SCFD1: variants seen among roughly 807,000 people sequenced by gnomAD.
SCFD1 encodes sec1 family domain-containing protein 1.
In SCFD1, 37 loss-of-function variants were observed where a neutral mutation model predicts 103.2. The ratio of observed to expected loss-of-function variants is 0.36; its 90% confidence interval spans 0.28 to 0.47. The LOEUF (loss-of-function observed/expected upper bound fraction) is 0.47. Among genes scored for constraint, SCFD1 ranks in the 20% least tolerant of loss-of-function variants. The probability of loss-of-function intolerance (pLI) is 1.00; values close to 1 mark genes in which losing one functional copy is unlikely to be tolerated. For synonymous variants in SCFD1, 264 were observed against 245.0 expected (o/e 1.08, Z -0.73); for missense variants, 639 against 761.2 (o/e 0.84, Z 1.89).
At chr14:30,669,121 T>G (rs1888298726) in intron 10 of SCFD1, among the ~76,000 whole-genome samples, 1 of 152,040 alleles carries the variant, frequency 6.6e-6, no homozygotes, top group South Asian at 2.1e-4. Flanking sequence ...GGAAATAAAC[T>G]ATTATAAAAG....
Position 30,735,715 on chromosome 14 carries a change from A to T in SCFD1, c.*106A>T. The T allele has an allele frequency of 2.7e-6, 2 of 736,566 alleles. No individual in the cohort carries two copies. The highest frequency in any genetic ancestry group is 4.5e-6 in the Non-Finnish European group (2 of 441,970). The allele number at this position is 736,566 out of a possible 1,614,324, so 45.6% of individuals were successfully genotyped here. ...TCCTTCTCTGTAACAGTGTCCTAAC[A>T]GTGAAAATCAGAGTTATTTGTTAAT... is the stretch of plus-strand genomic sequence containing the variant. On this transcript the variant is annotated 3_prime_UTR_variant, in exon 25 of 25. Transcript: ENST00000458591.
intron 14 of SCFD1, among the ~76,000 whole-genome samples, chr14:30,692,828 T>A (rs1404309528): frequency 6.6e-6 from 1 of 152,204 alleles, no homozygotes; most frequent in African/African-American, 2.4e-5. Context: ...TAACAGTTCC[T>A]AGTATCATCA....
rs866648076 is a variant in SCFD1, at chr14:30,630,526, C to A, written c.182C>A (p.Ser61Tyr). The change falls in exon 3 of 25, where the codon TCT becomes TAT. Residue 61 changes from serine (S) to tyrosine (Y), a missense_variant. Transcript: ENST00000458591. ...CAAGATATAATCTCTCCTCTGCTAT[C>A]TGTGAAGGAGCTAAGAGACATGGGA... ...FGQDIISPLLSVKELRDMGIT... is the reference protein window; with the variant it reads ...FGQDIISPLLYVKELRDMGIT... 6.2e-7 allele frequency: 1 copy of A among 1,604,346 alleles called. No individual in the cohort carries two copies. Among genetic ancestry groups the A allele is most frequent in the Non-Finnish European group, 8.5e-7 (1 of 1,171,858 alleles).
Position 30,639,770 on chromosome 14 carries a change from T to C in SCFD1, c.436-7T>C. The C allele has an allele frequency of 6.4e-7, 1 of 1,567,228 alleles. No individual in the cohort carries two copies. Among genetic ancestry groups the C allele is most frequent in the South Asian group, 1.2e-5 (1 of 85,874 alleles). ...ATTGATTTGTAAACCTTTTCTTTTGTTTCTAGGTTTTTGACCAATATCTCA... is the reference window on the plus strand; with the variant it reads ...ATTGATTTGTAAACCTTTTCTTTTGCTTCTAGGTTTTTGACCAATATCTCA... On this transcript the variant is annotated splice_region_variant and splice_polypyrimidine_tract_variant and intron_variant, in intron 5 of 24. Transcript: ENST00000458591.
intron 3 of SCFD1, among the ~76,000 whole-genome samples, chr14:30,631,541 G>T (rs1884130852): frequency 6.6e-6 from 1 of 152,052 alleles, no homozygotes; most frequent in South Asian, 2.1e-4. Context: ...ACCATTGTAA[G>T]TCAGGGAGTG....
chr14:30,649,722 T>C, intron 8 of SCFD1, 139 bp downstream of exon 8: 1 of 644,994 alleles, frequency 1.6e-6, no homozygotes, highest in Non-Finnish European at 2.7e-6. Flanking sequence ...TTTATTTTAT[T>C]ACATTGAGAT....
intron 19 of SCFD1, among the ~76,000 whole-genome samples, chr14:30,709,661 C>T (rs1891725751): frequency 6.6e-6 from 1 of 152,170 alleles, no homozygotes; most frequent in South Asian, 2.1e-4. Flanking sequence ...TATCTTCACC[C>T]TCTTAGACTA....
rs773433599 is a variant in SCFD1, at chr14:30,638,017, A to G, written c.313-108A>G. 415 of 1,312,622 alleles carry G rather than the reference A, an allele frequency of 3.2e-4. 1 individual carries two copies. The highest frequency in any genetic ancestry group is 4.0e-4 in the Non-Finnish European group (405 of 1,008,132). The allele number at this position is 1,312,622 out of a possible 1,614,324, so 81.3% of individuals were successfully genotyped here. A position where few individuals can be genotyped will look rare whatever the true frequency, so the allele number is the denominator to read the frequency against. On this transcript the variant is annotated intron_variant, in intron 4 of 24. Coordinates refer to ENST00000458591, the MANE Select transcript of SCFD1 (RefSeq NM_016106.4). ...TCTTGGGATACTTTTTTTGATTGTCATTTAAATATCCTGTCTTTTAAATAT... is the reference window on the plus strand; with the variant it reads ...TCTTGGGATACTTTTTTTGATTGTCGTTTAAATATCCTGTCTTTTAAATAT...
At chr14:30,660,428 A>G (rs546265626) in intron 10 of SCFD1, among the ~76,000 whole-genome samples, 1 of 152,284 alleles carries the variant, frequency 6.6e-6, no homozygotes, top group Admixed American at 6.5e-5. Flanking sequence ...TCCTAATGTT[A>G]GTGAACAGAT....
At chr14:30,703,643 G>T (rs72666432) in intron 17 of SCFD1, among the ~76,000 whole-genome samples, 5,585 of 150,030 alleles carry the variant, frequency 0.037, 141 homozygotes, top group Non-Finnish European at 0.059. Context: ...CATAACAAGA[G>T]AATTACACCA....
In SCFD1 at chr14:30,705,814, C is replaced by G; in HGVS notation, c.1491-9C>G. On this transcript the variant is annotated splice_polypyrimidine_tract_variant and intron_variant, in intron 17 of 24. Coordinates refer to ENST00000458591, the MANE Select transcript of SCFD1 (RefSeq NM_016106.4). ...ATTAGCTTTTAAGTACAACTTCCTT[C>G]TTTCATAGGGCTTTTACCAAGATGG... 2 of 1,612,360 alleles carry G rather than the reference C, an allele frequency of 1.2e-6. No individual in the cohort carries two copies.
chr14:30,711,181 T>A (rs2139375604), intron 19 of SCFD1, among the ~76,000 whole-genome samples: 1 of 152,220 alleles, frequency 6.6e-6, no homozygotes, highest in East Asian at 1.9e-4. Context: ...GCAAAAATAA[T>A]CCCTCCTTTA....
At chr14:30,666,778 A>G (rs1408389478) in intron 10 of SCFD1, among the ~76,000 whole-genome samples, 1 of 152,232 alleles carries the variant, frequency 6.6e-6, no homozygotes, top group Non-Finnish European at 1.5e-5. Context: ...AAACACCTCT[A>G]TGCAAATAAA....
intron 20 of SCFD1, among the ~76,000 whole-genome samples, chr14:30,716,352 G>C (rs981374083): frequency 6.6e-6 from 1 of 152,160 alleles, no homozygotes; most frequent in African/African-American, 2.4e-5. Context: ...GTTAAATTAG[G>C]AAAGAAGTGC....
At chr14:30,624,148 C>T (rs1255521129) in intron 1 of SCFD1, among the ~76,000 whole-genome samples, 1 of 152,130 alleles carries the variant, frequency 6.6e-6, no homozygotes, top group African/African-American at 2.4e-5. Flanking sequence ...GAAGGTCATC[C>T]CACAAGCCAT....
chr14:30,649,558 G>C lies in SCFD1; in HGVS notation c.644G>C (p.Gly215Ala). 1 of 1,574,154 alleles carries C rather than the reference G, an allele frequency of 6.4e-7. No homozygotes were observed. The highest frequency in any genetic ancestry group is 8.6e-7 in the Non-Finnish European group (1 of 1,167,508). Residue 215 changes from glycine (G) to alanine (A), a missense_variant, in exon 8 of 25, where the codon GGA becomes GCA. Coordinates refer to ENST00000458591, the MANE Select transcript of SCFD1 (RefSeq NM_016106.4). The stretch of plus-strand genomic sequence containing the variant: ...GTTCCTATAATCAGATGTTCAAGAG[G>C]AACAGCAGCAGAAATGGTAGCAGTG... The part of the protein sequence containing the change: ...GAVPIIRCSR[G>A]TAAEMVAVKL...
chr14:30,638,322 T>A, intron 5 of SCFD1, 75 bp downstream of exon 5: 1 of 1,596,088 alleles, frequency 6.3e-7, no homozygotes, highest in Non-Finnish European at 8.6e-7. Context: ...GTAGTTGGCA[T>A]AGATATCTAT....
chr14:30,650,073 GA>G (rs1886253347), intron 8 of SCFD1, among the ~76,000 whole-genome samples: 1 of 152,108 alleles, frequency 6.6e-6, no homozygotes, highest in Non-Finnish European at 1.5e-5. Flanking sequence ...TAGAATTACT[GA>G]AAAAGAAGGA....
At chr14:30,696,187 C>G (rs980647750) in intron 15 of SCFD1, among the ~76,000 whole-genome samples, 3 of 152,022 alleles carry the variant, frequency 2.0e-5, no homozygotes, top group Non-Finnish European at 4.4e-5. Flanking sequence ...TTTAAAAGTC[C>G]AAACTGTTTT....
Sources: allele counts gnomAD v4.1 joint callset (sites outside exome capture counted in the v4.1 genomes callset), GRCh38; gene constraint gnomAD v4.1.1; transcripts MANE v1.5; gene names NCBI Gene and HGNC (gene_info 2026-07-23, HGNC 2026-07-21).